PRKN: variants seen among roughly 807,000 people sequenced by gnomAD.
The protein encoded by PRKN is E3 ubiquitin-protein ligase parkin.
Under a neutral mutation model 59.5 loss-of-function variants are expected in PRKN, and 56 were observed. That is an observed-to-expected ratio of 0.94 (90% CI 0.76 to 1.18). The LOEUF (loss-of-function observed/expected upper bound fraction) is 1.18. PRKN is among the 50% of genes most tolerant of loss of function. The pLI is 0.00. For synonymous variants in PRKN, 250 were observed against 222.1 expected (o/e 1.13, Z -1.12); for missense variants, 657 against 596.4 (o/e 1.10, Z -1.06).
At chr6:162,252,060 T>A (rs911244544) in intron 3 of PRKN, among the ~76,000 whole-genome samples, 11 of 152,150 alleles carry the variant, frequency 7.2e-5, no homozygotes, top group Non-Finnish European at 1.5e-4. Context: ...TAATTCCCTA[T>A]CAGTTTAAAG....
chr6:162,240,008 G>A (rs1476887615), intron 3 of PRKN, among the ~76,000 whole-genome samples: 1 of 152,034 alleles, frequency 6.6e-6, no homozygotes, highest in Non-Finnish European at 1.5e-5. Flanking sequence ...CTATGGCCAG[G>A]TCCAAGGTCA....
intron 6 of PRKN, among the ~76,000 whole-genome samples, chr6:161,853,970 G>A: frequency 6.6e-6 from 1 of 151,820 alleles, no homozygotes; most frequent in Non-Finnish European, 1.5e-5. Flanking sequence ...AATTGGCCCG[G>A]TATGGTGGCT....
chr6:161,640,692 A>G (rs1319770605), intron 7 of PRKN, among the ~76,000 whole-genome samples: 1 of 152,154 alleles, frequency 6.6e-6, no homozygotes, highest in East Asian at 1.9e-4. Context: ...TCAGGAAAGG[A>G]AAGACACCAA....
chr6:162,155,422 T>C (rs1782470494), intron 4 of PRKN, among the ~76,000 whole-genome samples: 1 of 152,120 alleles, frequency 6.6e-6, no homozygotes, highest in Non-Finnish European at 1.5e-5. Flanking sequence ...GAATTTGGGA[T>C]TGTAGTTGAA....
intron 1 of PRKN, among the ~76,000 whole-genome samples, chr6:162,712,488 G>A (rs1326578934): frequency 6.6e-6 from 1 of 152,134 alleles, no homozygotes; most frequent in African/African-American, 2.4e-5. Context: ...ACATCACCCC[G>A]TGAGATTCAG....
At chr6:162,298,216 A>G (rs1288828859) in intron 2 of PRKN, among the ~76,000 whole-genome samples, 1 of 151,670 alleles carries the variant, frequency 6.6e-6, no homozygotes, top group African/African-American at 2.4e-5. Flanking sequence ...GCTTCCCTCC[A>G]TCCTTCCTGG....
At chr6:161,904,268 TG>T (rs1778046500) in intron 6 of PRKN, among the ~76,000 whole-genome samples, 1 of 151,388 alleles carries the variant, frequency 6.6e-6, no homozygotes, top group Non-Finnish European at 1.5e-5. Context: ...AGACCTTTTT[TG>T]AGGGGGCAAG....
rs1001857281 is a variant in PRKN, at chr6:161,445,433, C to T, written c.1084-58556G>A. ...CAGAGGAGCTGAGAGCTGAGGCCCA[C>T]CCTCCCCTTTCTCCTACACATGGAC... is the stretch of plus-strand genomic sequence containing the variant. On this transcript the variant is annotated intron_variant, in intron 9 of 11. Transcript: ENST00000366898. The surrounding 1 kb of genome is among the most constrained non-coding windows in gnomAD (Gnocchi z 7.7). Among the ~76,000 whole-genome samples, 2 of 152,150 alleles carry T rather than the reference C, an allele frequency of 1.3e-5. No individual in the cohort carries two copies. The highest frequency in any genetic ancestry group is 4.8e-5 in the African/African-American group (2 of 41,426).
intron 3 of PRKN, among the ~76,000 whole-genome samples, chr6:162,219,247 C>T (rs1039244325): frequency 1.3e-5 from 2 of 152,142 alleles, no homozygotes; most frequent in African/African-American, 4.8e-5. Context: ...CTTGCTCTGA[C>T]AGAAACTTTC....
intron 2 of PRKN, among the ~76,000 whole-genome samples, chr6:162,352,044 G>A (rs1188760941): frequency 6.6e-6 from 1 of 152,068 alleles, no homozygotes; most frequent in Non-Finnish European, 1.5e-5. Context: ...ATACCCTACC[G>A]GGTCAGATAC....
chr6:161,959,258 C>G (rs1780293988), intron 6 of PRKN, among the ~76,000 whole-genome samples: 1 of 152,200 alleles, frequency 6.6e-6, no homozygotes, highest in Non-Finnish European at 1.5e-5. Context: ...GGGATGGCCT[C>G]TGCTGTCAGC....
intron 9 of PRKN, among the ~76,000 whole-genome samples, chr6:161,455,081 C>T (rs1474766559): frequency 6.6e-6 from 1 of 151,618 alleles, no homozygotes; most frequent in African/African-American, 2.4e-5. Context: ...CTCTGTCGCC[C>T]AGGCTGGAGT....
At chr6:162,081,576 G>T (rs1177884143) in intron 4 of PRKN, among the ~76,000 whole-genome samples, 2 of 152,076 alleles carry the variant, frequency 1.3e-5, no homozygotes, top group Non-Finnish European at 2.9e-5. Context: ...CTGTAAACAG[G>T]TGTGCTGTCA....
chr6:161,428,233 C>A lies in PRKN; in HGVS notation c.1084-41356G>T, dbSNP rs932795801. ...CTGAATGAAATACATTAATAACTGGCTTAAAAGAATCCAATCCTTTATCAA... is the reference window on the plus strand; with the variant it reads ...CTGAATGAAATACATTAATAACTGGATTAAAAGAATCCAATCCTTTATCAA... On this transcript the variant is annotated intron_variant, in intron 9 of 11. Transcript: ENST00000366898. The surrounding 1 kb of genome is among the most constrained non-coding windows in gnomAD (Gnocchi z 4.0). 5.9e-5 allele frequency among the ~76,000 whole-genome samples: 9 copies of A among 152,190 alleles called. No individual in the cohort carries two copies. Among genetic ancestry groups the A allele is most frequent in the African/African-American group, 2.2e-4 (9 of 41,436 alleles).
At chr6:161,366,053 C>T (rs1181205616) in intron 10 of PRKN, among the ~76,000 whole-genome samples, 1 of 152,200 alleles carries the variant, frequency 6.6e-6, no homozygotes, top group African/African-American at 2.4e-5. Flanking sequence ...TGAAATCCTA[C>T]CCACCAAGGT....
At chr6:162,396,429 G>A (rs1184960000) in intron 2 of PRKN, among the ~76,000 whole-genome samples, 1 of 152,014 alleles carries the variant, frequency 6.6e-6, no homozygotes, top group Non-Finnish European at 1.5e-5. Context: ...TGGCTAACAA[G>A]GTGGAACGAT....
At chr6:162,294,289 G>C (rs555047482) in intron 2 of PRKN, among the ~76,000 whole-genome samples, 4 of 152,060 alleles carry the variant, frequency 2.6e-5, no homozygotes, top group African/African-American at 7.2e-5. Context: ...ACCCTTTCAA[G>C]CTTCCTCAAA....
rs150435627 is a variant in PRKN at position 161,514,535 on chromosome 6, G to A, written c.1083+34319C>T. Among the ~76,000 whole-genome samples, 575 of 152,232 alleles carry A rather than the reference G, an allele frequency of 3.8e-3. 4 individuals are homozygous for A. The highest frequency in any genetic ancestry group is 0.02 in the Middle Eastern group (6 of 294). ...AGGATGAGCTTGAACAGATCTGAAC[G>A]CGAGGGACAAGGTGACAAAAAGCAA... is the stretch of plus-strand genomic sequence containing the variant. On this transcript the variant is annotated intron_variant, in intron 9 of 11. Transcript: ENST00000366898.
chr6:162,284,563 T>C (rs1028834947), intron 2 of PRKN, among the ~76,000 whole-genome samples: 1 of 152,226 alleles, frequency 6.6e-6, no homozygotes, highest in African/African-American at 2.4e-5. Flanking sequence ...CCTTGAACTT[T>C]GCCAGTTCTC....
Sources: allele counts gnomAD v4.1 joint callset (sites outside exome capture counted in the v4.1 genomes callset), GRCh38; gene constraint gnomAD v4.1.1; non-coding constraint Gnocchi (gnomAD v3.1); transcripts MANE v1.5; gene names NCBI Gene and HGNC (gene_info 2026-07-23, HGNC 2026-07-21).